Variants in TMEM63B observed in about 807,000 individuals in gnomAD.
TMEM63B encodes the protein mechanosensitive cation channel TMEM63B.
TMEM63B carries 23 observed loss-of-function variants against 102.6 expected under a neutral mutation model. The observed-to-expected ratio is 0.22, with a 90% CI of 0.16 to 0.32. The LOEUF (loss-of-function observed/expected upper bound fraction) is 0.32, where lower values mean the gene tolerates loss of function less well. Among genes scored for constraint, TMEM63B ranks in the 10% least tolerant of loss-of-function variants. The probability of loss-of-function intolerance (pLI) is 1.00; values close to 1 mark genes in which losing one functional copy is unlikely to be tolerated. For missense variants in TMEM63B, 628 were observed against 1,095.9 expected, an observed-to-expected ratio of 0.57 and a Z score of 6.03; for synonymous variants, 444 against 437.0, an observed-to-expected ratio of 1.02 and a Z score of -0.20.
intron 11 of TMEM63B, among the ~76,000 whole-genome samples, chr6:44,147,165 T>A (rs1765587922): frequency 1.3e-5 from 2 of 152,170 alleles, no homozygotes; most frequent in Non-Finnish European, 2.9e-5. Context: ...TGCCCTTCTT[T>A]GGCTACAGTA....
chr6:44,153,340 C>T (rs771984906), intron 20 of TMEM63B, among the ~76,000 whole-genome samples: 21 of 152,226 alleles, frequency 1.4e-4, no homozygotes, highest in Non-Finnish European at 2.6e-4. Context: ...CCCTCAGCCT[C>T]TGGGGAAATA....
intron 10 of TMEM63B, among the ~76,000 whole-genome samples, chr6:44,145,180 CAG>C (rs997007093): frequency 6.7e-6 from 1 of 149,858 alleles, no homozygotes; most frequent in South Asian, 2.1e-4. Flanking sequence ...GAGGCTGAGA[CAG>C]GGGAATCACT....
At position 44,152,135 on chromosome 6, in the gene TMEM63B, G is replaced by A. The variant is rs1029880174; in HGVS notation, c.1836+127G>A. The A allele has an allele frequency of 3.8e-5, 45 of 1,197,784 alleles. 1 individual carries two copies. Among genetic ancestry groups the A allele is most frequent in the East Asian group, 1.3e-4 (5 of 37,742 alleles). The allele number at this position is 1,197,784 out of a possible 1,614,324, so 74.2% of individuals were successfully genotyped here. ...GACTTGGGGAGTACAGTTGACTCAC[G>A]GTGGATCCGGGCCATCCCCTTCCCA... On this transcript the variant is annotated intron_variant, in intron 19 of 23. Transcript: ENST00000323267. The surrounding 1 kb of genome is among the most constrained non-coding windows in gnomAD (Gnocchi z 6.4).
rs565779397 is a variant in TMEM63B, at chr6:44,152,061, C to A, written c.1836+53C>A. The A allele has an allele frequency of 3.6e-4, 547 of 1,528,898 alleles. 2 individuals carry two copies. Among genetic ancestry groups the A allele is most frequent in the Non-Finnish European group, 4.5e-4 (511 of 1,141,356 alleles). 94.7% of individuals were successfully genotyped at this position (1,528,898 alleles called of 1,614,324 possible). On this transcript the variant is annotated intron_variant, in intron 19 of 23. Transcript: ENST00000323267. This position sits in a 1 kb window ranked among gnomAD's most constrained non-coding sequence, Gnocchi z 6.4. ...CGCACAGCGCCCCCTGGTGGCCCAA[C>A]AAGAAACAGCAGCCATCGCGCTAGG...
Position 44,154,980 on chromosome 6 carries a change from T to C in TMEM63B, c.*97T>C. ...ATAATTTATTAGATCTAAAGCCCCT[T>C]CCTCCCCAGCCCCTGCTTTCATTAA... On this transcript the variant is annotated 3_prime_UTR_variant, in exon 24 of 24. Transcript: ENST00000323267. The C allele has an allele frequency of 3.4e-6, 4 of 1,160,276 alleles. No individual in the cohort carries two copies. The highest frequency in any genetic ancestry group is 3.5e-6 in the Non-Finnish European group (3 of 857,268). The allele number at this position is 1,160,276 out of a possible 1,614,324, so 71.9% of individuals were successfully genotyped here.
chr6:44,138,736 G>GCACCCCCCCCC, intron 6 of TMEM63B: 2 of 280,534 alleles, frequency 7.1e-6, no homozygotes, highest in Non-Finnish European at 1.4e-5. Flanking sequence ...CCCCCTGCCG[G>GCACCCCCCCCC]CCCCCCCGCT....
In TMEM63B at chr6:44,141,797, A is replaced by G. The variant is rs147716002; in HGVS notation, c.782+699A>G. On this transcript the variant is annotated intron_variant, in intron 10 of 23. Coordinates refer to ENST00000323267, the MANE Select transcript of TMEM63B (RefSeq NM_018426.3). ...CAAACTTTCTCAAGTGCTGTTAGTCATAAGTTACTGTGGTGGGCTTTGGGA... is the reference window on the plus strand; with the variant it reads ...CAAACTTTCTCAAGTGCTGTTAGTCGTAAGTTACTGTGGTGGGCTTTGGGA... 1.5e-4 allele frequency among the ~76,000 whole-genome samples: 23 copies of G among 152,324 alleles called. No individual in the cohort carries two copies. The South Asian group carries it at 2.7e-3, about 18-fold the overall frequency.
intron 15 of TMEM63B, among the ~76,000 whole-genome samples, chr6:44,149,605 T>C (rs1766163216): frequency 6.6e-6 from 1 of 152,204 alleles, no homozygotes; most frequent in Non-Finnish European, 1.5e-5. Flanking sequence ...GATTAAGACA[T>C]GGCAAGTACA....
rs1766390262 is a variant in TMEM63B, at chr6:44,150,570, C to T, written c.1614C>T (p.Asp538=). The T allele has an allele frequency of 6.2e-7, 1 of 1,614,192 alleles. No individual in the cohort carries two copies. Among genetic ancestry groups the T allele is most frequent in the African/African-American group, 1.3e-5 (1 of 75,062 alleles). The change falls in exon 18 of 24, where the codon GAC becomes GAT. Residue 538 remains aspartate (D), a synonymous_variant. Transcript: ENST00000323267. The surrounding 1 kb of genome is among the most constrained non-coding windows in gnomAD (Gnocchi z 4.7). ...LLPSLGLSSL[D]LFFRWLFDKK... Reference sequence around the variant, plus strand: ...CTCCTCTGCTTCCCTCCAGCCTGGACCTCTTCTTCCGCTGGCTCTTTGATA... The same window carrying T: ...CTCCTCTGCTTCCCTCCAGCCTGGATCTCTTCTTCCGCTGGCTCTTTGATA...
At chr6:44,132,564 A>G (rs562000971) in intron 1 of TMEM63B, among the ~76,000 whole-genome samples, 1 of 152,262 alleles carries the variant, frequency 6.6e-6, no homozygotes, top group East Asian at 1.9e-4. Context: ...AGTCCCCCCA[A>G]CCCAAGATAC....
In TMEM63B at chr6:44,152,831, C is replaced by T. The variant is rs548911785; in HGVS notation, c.1942+133C>T. On this transcript the variant is annotated intron_variant, in intron 20 of 23. Transcript: ENST00000323267. The surrounding 1 kb of genome is among the most constrained non-coding windows in gnomAD (Gnocchi z 6.4). ...AGACCGGCCCCTCGGGGCTCCCGCC[C>T]GGTCCCTGGCTCAGTCTGGGGCCTG... 2.2e-5 allele frequency: 16 copies of T among 711,372 alleles called. No individual in the cohort carries two copies. Among genetic ancestry groups the T allele is most frequent in the Middle Eastern group, 3.8e-4 (1 of 2,656 alleles). 44.1% of individuals were successfully genotyped at this position (711,372 alleles called of 1,614,324 possible). A position where few individuals can be genotyped will look rare whatever the true frequency, so the allele number is the denominator to read the frequency against.
At chr6:44,146,739 C>T (rs1765500277) in intron 10 of TMEM63B, 108 bp from the exon 11 acceptor site, 1 of 1,154,414 alleles carries the variant, frequency 8.7e-7, no homozygotes, top group Non-Finnish European at 1.3e-6. Context: ...ATGTGAGCCA[C>T]CACGTCCAGC....
chr6:44,150,682 C>G lies in TMEM63B; in HGVS notation c.1673+53C>G. The G allele has an allele frequency of 6.4e-7, 1 of 1,561,424 alleles. No homozygotes were observed. Among genetic ancestry groups the G allele is most frequent in the Non-Finnish European group, 8.8e-7 (1 of 1,133,954 alleles). ...AGACCAGACAGCAGGGGTGGGTATG[C>G]TTGAGAGACATTGCCAGCCCCATGG... On this transcript the variant is annotated intron_variant, in intron 18 of 23. Coordinates refer to ENST00000323267, the MANE Select transcript of TMEM63B (RefSeq NM_018426.3). This position sits in a 1 kb window ranked among gnomAD's most constrained non-coding sequence, Gnocchi z 4.7.
chr6:44,138,736 G>GCACCCCCCCC, intron 6 of TMEM63B: 3 of 280,538 alleles, frequency 1.1e-5, no homozygotes, highest in Non-Finnish European at 2.1e-5. Flanking sequence ...CCCCCTGCCG[G>GCACCCCCCCC]CCCCCCCGCT....
Position 44,152,802 on chromosome 6 carries a change from TG to T in TMEM63B, c.1942+107del. ...CCACCCCGAGTGGACAGGGCCCGGC[TG>T]GGAGACCGGCCCCTCGGGGCTCCCG... On this transcript the variant is annotated intron_variant, in intron 20 of 23. Coordinates refer to ENST00000323267, the MANE Select transcript of TMEM63B (RefSeq NM_018426.3). This position sits in a 1 kb window ranked among gnomAD's most constrained non-coding sequence, Gnocchi z 6.4. The T allele has an allele frequency of 1.0e-6, 1 of 969,544 alleles. No homozygotes were observed. The highest frequency in any genetic ancestry group is 1.6e-6 in the Non-Finnish European group (1 of 644,302). The allele number at this position is 969,544 out of a possible 1,614,324, so 60.1% of individuals were successfully genotyped here.
At position 44,141,237 on chromosome 6, in the gene TMEM63B, C is replaced by T. The variant is rs534792638; in HGVS notation, c.782+139C>T. On this transcript the variant is annotated intron_variant, in intron 10 of 23. Coordinates refer to ENST00000323267, the MANE Select transcript of TMEM63B (RefSeq NM_018426.3). ...GAGATTAGATCCAGGAAGAAATGTC[C>T]GATTCCAGGGTGGTTTAGCACTTGG... 1,167 of 877,154 alleles carry T rather than the reference C, an allele frequency of 1.3e-3. 25 individuals carry two copies. In the South Asian group the frequency reaches 0.021, roughly 16 times the overall value. The allele number at this position is 877,154 out of a possible 1,614,324, so 54.3% of individuals were successfully genotyped here.
chr6:44,145,042 C>T lies in TMEM63B; in HGVS notation c.783-1805C>T, dbSNP rs551536949. ...CTGTAATCCCAGCACTTTGGGGAGC[C>T]GAGGTGGGTGAATCACAAGGTCAGG... On this transcript the variant is annotated intron_variant, in intron 10 of 23. Transcript: ENST00000323267. Among the ~76,000 whole-genome samples, 710 of 151,796 alleles carry T rather than the reference C, an allele frequency of 4.7e-3. 8 individuals carry two copies. The highest frequency in any genetic ancestry group is 0.015 in the African/African-American group (619 of 41,378).
intron 10 of TMEM63B, among the ~76,000 whole-genome samples, chr6:44,141,861 G>A (rs1034324781): frequency 5.3e-5 from 8 of 150,648 alleles, no homozygotes; most frequent in African/African-American, 2.0e-4. Context: ...GTGGCTCATG[G>A]CTGTAATCCC....
intron 9 of TMEM63B, 75 bp from the exon 10 acceptor site, chr6:44,140,953 G>GC (rs1372122020): frequency 7.5e-7 from 1 of 1,328,186 alleles, no homozygotes; most frequent in Non-Finnish European, 1.1e-6. Context: ...TTTCTCTAGT[G>GC]CCCCCCACCC....
Sources: allele counts gnomAD v4.1 joint callset (sites outside exome capture counted in the v4.1 genomes callset), GRCh38; gene constraint gnomAD v4.1.1; non-coding constraint Gnocchi (gnomAD v3.1); transcripts MANE v1.5; gene names NCBI Gene and HGNC (gene_info 2026-07-23, HGNC 2026-07-21).